Variants in EXTL3 observed in about 807,000 individuals in gnomAD.
EXTL3 encodes the protein exostosin-like 3.
EXTL3 carries 27 observed loss-of-function variants against 69.3 expected under a neutral mutation model. The observed-to-expected ratio is 0.39, with a 90% CI of 0.29 to 0.54. The LOEUF is 0.54. EXTL3 is among the 20% of genes least tolerant of loss of function. EXTL3 has a pLI of 0.69. For synonymous variants in EXTL3, 511 were observed against 499.4 expected (o/e 1.02, Z -0.31); for missense variants, 1,003 against 1,231.8 (o/e 0.81, Z 2.78).
Position 28,751,109 on chromosome 8 carries a change from T to C in EXTL3, c.*243T>C. On this transcript the variant is annotated 3_prime_UTR_variant, in exon 7 of 7. Coordinates refer to ENST00000220562, the MANE Select transcript of EXTL3 (RefSeq NM_001440.4). ...CAGGGCACTGACTGATAGCTTACAC[T>C]GAGGACTGTGGCGACTCTGCAGAGT... 1 of 550,160 alleles carries C rather than the reference T, an allele frequency of 1.8e-6. No homozygotes were observed. Among genetic ancestry groups the C allele is most frequent in the Non-Finnish European group, 3.3e-6 (1 of 304,838 alleles). 34.1% of individuals were successfully genotyped at this position (550,160 alleles called of 1,614,324 possible).
At chr8:28,723,246 CTG>C (rs1801336563) in intron 3 of EXTL3, among the ~76,000 whole-genome samples, 1 of 152,168 alleles carries the variant, frequency 6.6e-6, no homozygotes, top group African/African-American at 2.4e-5. Context: ...AGGTCCAAGA[CTG>C]TGCAAGGTCT....
At chr8:28,681,639 C>T (rs757941636) in intron 1 of EXTL3, among the ~76,000 whole-genome samples, 1 of 152,220 alleles carries the variant, frequency 6.6e-6, no homozygotes, top group Non-Finnish European at 1.5e-5. Context: ...ATGCTGATTT[C>T]ATTTCCTTTG....
Position 28,678,149 on chromosome 8 carries a change from G to A in EXTL3, c.-52-35308G>A, listed in dbSNP as rs982441316. 4 of 152,522 alleles carry A rather than the reference G, an allele frequency of 2.6e-5. No individual in the cohort carries two copies. In the East Asian group the frequency reaches 7.7e-4, roughly 29 times the overall value. 9.4% of individuals were successfully genotyped at this position (152,522 alleles called of 1,614,324 possible). On this transcript the variant is annotated intron_variant, in intron 1 of 6. Coordinates refer to the EXTL3 transcript ENST00000523149. ...GAGGAGAGAAGAAGGCACGTGGCCT[G>A]TGGGCAGACATCTACAAAAGAGGAA...
At chr8:28,637,221 C>T (rs775908983) in intron 1 of EXTL3, 4 of 152,096 alleles carry the variant, frequency 2.6e-5, no homozygotes, top group Non-Finnish European at 5.9e-5. Context: ...AAAATGGGAA[C>T]GGTTTCTATT....
At chr8:28,668,093 T>G (rs911953011) in intron 1 of EXTL3, among the ~76,000 whole-genome samples, 1 of 151,710 alleles carries the variant, frequency 6.6e-6, no homozygotes, top group Non-Finnish European at 1.5e-5. Context: ...TGAGACATTG[T>G]CTTTACAAAA....
At chr8:28,743,248 G>A (rs201637637) in intron 6 of EXTL3, 34 bp downstream of exon 6, 6 of 1,613,490 alleles carry the variant, frequency 3.7e-6, no homozygotes, top group African/African-American at 2.7e-5. Context: ...CTGTGGATGC[G>A]TGCATGTTTA....
At chr8:28,706,738 T>G (rs1224253603) in intron 1 of EXTL3, among the ~76,000 whole-genome samples, 1 of 152,254 alleles carries the variant, frequency 6.6e-6, no homozygotes, top group African/African-American at 2.4e-5. Flanking sequence ...TGAACCCTTT[T>G]TTTGTGTAAC....
At chr8:28,641,886 A>G (rs1278274987) in intron 1 of EXTL3, among the ~76,000 whole-genome samples, 1 of 152,108 alleles carries the variant, frequency 6.6e-6, no homozygotes, top group African/African-American at 2.4e-5. Flanking sequence ...CCCAGGCTGG[A>G]GTGCAGTGGA....
At chr8:28,722,039 G>A (rs767066792) in intron 3 of EXTL3, among the ~76,000 whole-genome samples, 10 of 152,194 alleles carry the variant, frequency 6.6e-5, no homozygotes, top group Non-Finnish European at 1.2e-4. Context: ...TTGACGCAGG[G>A]TGCCTTGGAA....
intron 6 of EXTL3, among the ~76,000 whole-genome samples, chr8:28,749,703 G>A (rs895010712): frequency 6.6e-6 from 1 of 152,064 alleles, no homozygotes; most frequent in African/African-American, 2.4e-5. Context: ...ATGTATGTGA[G>A]TGAGTGACAG....
In EXTL3 at chr8:28,717,308, G is replaced by T. The variant is rs901603547; in HGVS notation, c.1249G>T (p.Glu417Ter). Residue 417 changes from glutamate (E) to a stop codon, truncating the protein, a stop_gained, in exon 3 of 7, where the codon GAG becomes TAG. Transcript: ENST00000220562. LOFTEE classifies it high-confidence loss of function. The surrounding 1 kb of genome is among the most constrained non-coding windows in gnomAD (Gnocchi z 8.3). ...SLPTEWALCG[E>*]REDRLELLKL... ...GCCGACTGAGTGGGCACTGTGTGGA[G>T]AGCGGGAGGACCGCTTGGAATTGCT... The T allele has an allele frequency of 1.2e-6, 2 of 1,614,142 alleles. No homozygotes were observed. The highest frequency in any genetic ancestry group is 2.7e-5 in the African/African-American group (2 of 74,956).
At chr8:28,638,175 T>A (rs1806685656) in intron 1 of EXTL3, among the ~76,000 whole-genome samples, 1 of 152,202 alleles carries the variant, frequency 6.6e-6, no homozygotes. Flanking sequence ...CTTCTTGGAA[T>A]TCTTTTGGTT....
At chr8:28,627,191 AAAAAAAAATTAAAAAAAAT>A (rs1372225784) in intron 1 of EXTL3, among the ~76,000 whole-genome samples, 1 of 150,928 alleles carries the variant, frequency 6.6e-6, no homozygotes, top group Non-Finnish European at 1.5e-5. Context: ...CCATCTCAAA[AAAAAAAAATTAAAAAAAAT>A]AAAAAAAATT....
At chr8:28,660,772 A>G (rs1807095584) in intron 1 of EXTL3, among the ~76,000 whole-genome samples, 1 of 149,406 alleles carries the variant, frequency 6.7e-6, no homozygotes, top group Admixed American at 6.7e-5. Flanking sequence ...TGTGCCTCAC[A>G]TAGGCACGTA....
At chr8:28,661,841 C>T (rs570561852) in intron 1 of EXTL3, among the ~76,000 whole-genome samples, 11 of 151,374 alleles carry the variant, frequency 7.3e-5, no homozygotes, top group South Asian at 2.1e-4. Context: ...GCCAAGGTTG[C>T]GCCACTGCAC....
intron 1 of EXTL3, among the ~76,000 whole-genome samples, chr8:28,673,208 C>T (rs1807326277): frequency 1.3e-5 from 2 of 152,228 alleles, no homozygotes; most frequent in Admixed American, 1.3e-4. Flanking sequence ...CAGGCATTTT[C>T]ATCACTGTGT....
chr8:28,756,475 T>C (rs929245624), downstream of EXTL3, among the ~76,000 whole-genome samples: 1 of 152,240 alleles, frequency 6.6e-6, no homozygotes. Context: ...CTTGTATGAA[T>C]TGAGTAAAAT....
At chr8:28,676,919 G>A (rs1807392663) in intron 1 of EXTL3, among the ~76,000 whole-genome samples, 1 of 152,138 alleles carries the variant, frequency 6.6e-6, no homozygotes, top group Non-Finnish European at 1.5e-5. Flanking sequence ...TTTCAAATCT[G>A]GCTTCCCTGG....
chr8:28,744,000 C>T (rs1318720517), intron 6 of EXTL3: 1 of 152,488 alleles, frequency 6.6e-6, no homozygotes, highest in Non-Finnish European at 1.5e-5. Context: ...GAGGTATTAA[C>T]ACATACACTC....
Sources: allele counts gnomAD v4.1 joint callset (sites outside exome capture counted in the v4.1 genomes callset), GRCh38; gene constraint gnomAD v4.1.1; non-coding constraint Gnocchi (gnomAD v3.1); transcripts MANE v1.5; gene names NCBI Gene and HGNC (gene_info 2026-07-23, HGNC 2026-07-21).